Variants in NRXN3 observed in about 807,000 individuals in gnomAD.
NRXN3 encodes neurexin 3.
A neutral mutation model predicts 137.6 loss-of-function variants in NRXN3; 32 were observed. That is an observed-to-expected ratio of 0.23 (90% CI 0.18 to 0.31). The LOEUF is 0.31. Among genes scored for constraint, NRXN3 ranks in the 10% least tolerant of loss-of-function variants. The pLI, the probability that NRXN3 is intolerant of heterozygous loss-of-function variation, is 1.00. For missense variants in NRXN3, 1,574 were observed against 2,062.5 expected (o/e 0.76, Z 4.59); for synonymous variants, 798 against 784.5 (o/e 1.02, Z -0.29).
At chr14:78,878,002 A>G (rs1397274578) in intron 10 of NRXN3, among the ~76,000 whole-genome samples, 1 of 152,204 alleles carries the variant, frequency 6.6e-6, no homozygotes, top group East Asian at 1.9e-4. Context: ...AAAAGAGGTC[A>G]GTAAAACATT....
intron 16 of NRXN3, among the ~76,000 whole-genome samples, chr14:79,497,226 A>G (rs11850956): frequency 0.54 from 81,517 of 152,014 alleles, 24,728 homozygotes; most frequent in African/African-American, 0.85. Context: ...TGAAGCCAGA[A>G]CGTAAACAGA....
At chr14:78,600,882 A>G (rs1268012897) in intron 4 of NRXN3, among the ~76,000 whole-genome samples, 2 of 152,218 alleles carry the variant, frequency 1.3e-5, no homozygotes, top group East Asian at 1.9e-4. Context: ...CATCCATTCT[A>G]TCACTTGGTA....
At chr14:78,539,302 G>T (rs915393680) in intron 4 of NRXN3, among the ~76,000 whole-genome samples, 2 of 152,146 alleles carry the variant, frequency 1.3e-5, no homozygotes, top group Non-Finnish European at 2.9e-5. Context: ...GCCTGTTATT[G>T]GTCTATTCAG....
At chr14:78,628,418 C>T (rs2097488453) in intron 4 of NRXN3, among the ~76,000 whole-genome samples, 1 of 152,132 alleles carries the variant, frequency 6.6e-6, no homozygotes, top group Admixed American at 6.5e-5. Context: ...TTTAAGGATA[C>T]TTCCTACCAT....
intron 19 of NRXN3, among the ~76,000 whole-genome samples, chr14:79,782,908 G>C (rs1352106164): frequency 1.3e-5 from 2 of 152,150 alleles, no homozygotes; most frequent in Admixed American, 1.3e-4. Flanking sequence ...CTCATTTGTA[G>C]AATAGCACCT....
chr14:78,234,894 G>A (rs2065966638), intron 1 of NRXN3, among the ~76,000 whole-genome samples: 1 of 151,138 alleles, frequency 6.6e-6, no homozygotes, highest in Non-Finnish European at 1.5e-5. Flanking sequence ...TCAGTGACTG[G>A]TCAGATTGAC....
intron 2 of NRXN3, among the ~76,000 whole-genome samples, chr14:78,253,982 T>C (rs898967166): frequency 6.6e-6 from 1 of 152,188 alleles, no homozygotes; most frequent in Non-Finnish European, 1.5e-5. Flanking sequence ...TAATGGGCCA[T>C]GTGGGTGAAG....
intron 15 of NRXN3, among the ~76,000 whole-genome samples, chr14:79,391,057 G>A (rs939930841): frequency 1.1e-4 from 17 of 152,010 alleles, no homozygotes; most frequent in Non-Finnish European, 1.9e-4. Flanking sequence ...CCAGAATTTC[G>A]AAGAAGTAAG....
intron 10 of NRXN3, among the ~76,000 whole-genome samples, chr14:78,846,382 T>C (rs1369609209): frequency 6.6e-6 from 1 of 152,118 alleles, no homozygotes. Flanking sequence ...TGCAAAGCTA[T>C]ACAATGTAGT....
At chr14:78,194,883 A>G (rs1441951269) in intron 1 of NRXN3, among the ~76,000 whole-genome samples, 2 of 152,164 alleles carry the variant, frequency 1.3e-5, no homozygotes, top group South Asian at 4.1e-4. Context: ...ACTGGTTTGA[A>G]TGCCATTTGT....
At chr14:79,226,577 A>G (rs117218925) in intron 15 of NRXN3, among the ~76,000 whole-genome samples, 2,888 of 152,140 alleles carry the variant, frequency 0.019, 40 homozygotes, top group Middle Eastern at 0.031. Flanking sequence ...GAATTGTTTC[A>G]TCTCATGTAT....
chr14:78,888,870 CA>C (rs1438641558), intron 10 of NRXN3, among the ~76,000 whole-genome samples: 15 of 151,856 alleles, frequency 9.9e-5, no homozygotes, highest in East Asian at 7.8e-4. Flanking sequence ...CACACACACA[CA>C]CCCCAGATTT....
intron 6 of NRXN3, among the ~76,000 whole-genome samples, chr14:78,685,644 T>C (rs1353469231): frequency 6.7e-6 from 1 of 149,222 alleles, no homozygotes. Flanking sequence ...TTTTTTTTTT[T>C]TTTTTGAGAT....
rs554548061 is a variant in NRXN3, at chr14:78,956,302, C to T, written c.2276-940C>T. On this transcript the variant is annotated intron_variant, in intron 10 of 20. Transcript: ENST00000335750. ...TTAAATTTGCATTTCAGATCAATAA[C>T]GATATACATCCTAAAAGAATGTGAT... Among the ~76,000 whole-genome samples the T allele has an allele frequency of 6.4e-4, 97 of 152,254 alleles. 1 individual carries two copies. The highest frequency in any genetic ancestry group is 2.2e-3 in the African/African-American group (90 of 41,564).
At chr14:78,407,866 C>T (rs34598586) in intron 4 of NRXN3, among the ~76,000 whole-genome samples, 25,786 of 152,150 alleles carry the variant, frequency 0.17, 4,006 homozygotes, top group African/African-American at 0.41. Context: ...TCCTCCCTCA[C>T]TGGACTCTTA....
intron 16 of NRXN3, among the ~76,000 whole-genome samples, chr14:79,484,859 C>G (rs555123600): frequency 6.6e-6 from 1 of 152,254 alleles, no homozygotes; most frequent in Admixed American, 6.5e-5. Context: ...TCAGATCTTT[C>G]GTACATATAA....
intron 19 of NRXN3, among the ~76,000 whole-genome samples, chr14:79,803,890 AGT>A (rs199592352): frequency 1.9e-4 from 27 of 143,040 alleles, no homozygotes; most frequent in African/African-American, 6.7e-4. Flanking sequence ...GTAACTAAAA[AGT>A]GTGTGTGTAT....
intron 19 of NRXN3, among the ~76,000 whole-genome samples, chr14:79,731,834 T>A (rs569686462): frequency 2.8e-4 from 43 of 151,668 alleles, no homozygotes; most frequent in South Asian, 1.9e-3. Flanking sequence ...TTTTTTTTTT[T>A]AATTTTTTTT....
In NRXN3 at chr14:79,692,272, A is replaced by G. The variant is rs1434351414; in HGVS notation, c.3706+10A>G. ...TGGCTGCAGGAAAAAGGTAACCGTC[A>G]TTAAAACTTTCATTTTAAAATCATT... On this transcript the variant is annotated intron_variant, in intron 18 of 20. Coordinates refer to ENST00000335750, the MANE Select transcript of NRXN3 (RefSeq NM_001330195.2). The G allele has an allele frequency of 1.3e-6, 2 of 1,584,942 alleles. No homozygotes were observed. The highest frequency in any genetic ancestry group is 1.7e-6 in the Non-Finnish European group (2 of 1,161,378).
Sources: allele counts gnomAD v4.1 joint callset (sites outside exome capture counted in the v4.1 genomes callset), GRCh38; gene constraint gnomAD v4.1.1; transcripts MANE v1.5; gene names NCBI Gene and HGNC (gene_info 2026-07-23, HGNC 2026-07-21).